Variants in CDON observed in about 807,000 individuals in gnomAD.
CDON encodes the protein cell adhesion associated, oncogene regulated, also known as cell adhesion molecule-related/down-regulated by oncogenes.
A neutral mutation model predicts 120.9 loss-of-function variants in CDON; 73 were observed. That is an observed-to-expected ratio of 0.60 (90% CI 0.50 to 0.73). The LOEUF (loss-of-function observed/expected upper bound fraction) is 0.73. CDON is among the 30% of genes least tolerant of loss of function. CDON has a pLI of 0.00. For synonymous variants in CDON, 566 were observed against 573.5 expected, an observed-to-expected ratio of 0.99 and a Z score of 0.19; for missense variants, 1,470 against 1,587.3, an observed-to-expected ratio of 0.93 and a Z score of 1.26.
chr11:126,019,862 G>A, intron 3 of CDON, 97 bp from the exon 4 acceptor site: 1 of 1,074,606 alleles, frequency 9.3e-7, no homozygotes, highest in Non-Finnish European at 1.4e-6. Flanking sequence ...CTGCAGCACG[G>A]CCTTTTGTGG....
chr11:126,007,329 T>C (rs1309668176), intron 8 of CDON, among the ~76,000 whole-genome samples: 1 of 152,052 alleles, frequency 6.6e-6, no homozygotes, highest in Non-Finnish European at 1.5e-5. Flanking sequence ...CCCAGAAGCA[T>C]CCTCCATCAG....
At position 125,978,299 on chromosome 11, in the gene CDON, C is replaced by T; in HGVS notation, c.3356+5G>A. 6.5e-7 allele frequency: 1 copy of T among 1,545,902 alleles called. No homozygotes were observed. Among genetic ancestry groups the T allele is most frequent in the Non-Finnish European group, 8.9e-7 (1 of 1,121,144 alleles). ...ACAGCTTGTGCAGACACATTATTAA[C>T]ATACCTATTGTTGTTTCGACAATTT... On this transcript the variant is annotated splice_donor_5th_base_variant and intron_variant, in intron 18 of 19. Transcript: ENST00000531738.
chr11:126,042,353 T>A (rs1409877201), intron 1 of CDON, among the ~76,000 whole-genome samples: 2 of 152,198 alleles, frequency 1.3e-5, no homozygotes, highest in Non-Finnish European at 2.9e-5. Context: ...ACATTCCCAG[T>A]GGTAATTGTG....
At chr11:126,038,740 T>G (rs1180554531) in intron 1 of CDON, among the ~76,000 whole-genome samples, 1 of 152,176 alleles carries the variant, frequency 6.6e-6, no homozygotes, top group Non-Finnish European at 1.5e-5. Context: ...TTCCAAGAAC[T>G]TACGTTTTAA....
At position 125,984,142 on chromosome 11, in the gene CDON, C is replaced by T. The variant is rs183357910; in HGVS notation, c.2774-49G>A. ...ATGATGTCAGAGTGAATACAGACTC[C>T]ATGAAATGGTTTACTCTCTGAAGGA... is the stretch of plus-strand genomic sequence containing the variant. On this transcript the variant is annotated intron_variant, in intron 15 of 19. Transcript: ENST00000531738. 5 of 1,305,780 alleles carry T rather than the reference C, an allele frequency of 3.8e-6. No individual in the cohort carries two copies. In the Admixed American group the frequency reaches 5.1e-5, roughly 13 times the overall value. 80.9% of individuals were successfully genotyped at this position (1,305,780 alleles called of 1,614,324 possible). A position where few individuals can be genotyped will look rare whatever the true frequency, so the allele number is the denominator to read the frequency against.
At chr11:125,993,875 A>G (rs909853449) in intron 14 of CDON, among the ~76,000 whole-genome samples, 1 of 152,248 alleles carries the variant, frequency 6.6e-6, no homozygotes, top group Non-Finnish European at 1.5e-5. Context: ...CCAATTTCTC[A>G]GCATCTCTAC....
At chr11:126,063,207 TAAGGGTGAGTTGCC>T (rs1173270448), upstream of CDON, 2 of 152,206 alleles carry the variant, frequency 1.3e-5, no homozygotes, top group Non-Finnish European at 2.9e-5. Flanking sequence ...GTAGGACAGG[TAAGGGTGAGTTGCC>T]TTACCAAGTC....
rs935640599 is a variant in CDON, at chr11:125,957,634, CA to C, written c.*3307del. The C allele has an allele frequency of 1.3e-5, 2 of 152,256 alleles. No homozygotes were observed. The highest frequency in any genetic ancestry group is 4.8e-5 in the African/African-American group (2 of 41,542). 9.4% of individuals were successfully genotyped at this position (152,256 alleles called of 1,614,324 possible). A position where few individuals can be genotyped will look rare whatever the true frequency, so the allele number is the denominator to read the frequency against. The stretch of plus-strand genomic sequence containing the variant: ...GTCATTACTTTAAAAGAGAGCAACA[CA>C]GGTAAAATTCAATGATAAACTTCAC... On this transcript the variant is annotated 3_prime_UTR_variant, in exon 20 of 20. Transcript: ENST00000531738.
At chr11:126,000,189 A>G (rs1946901108) in intron 11 of CDON, among the ~76,000 whole-genome samples, 1 of 150,964 alleles carries the variant, frequency 6.6e-6, no homozygotes, top group African/African-American at 2.4e-5. Flanking sequence ...TTAGGTATTT[A>G]TATCATCCAC....
intron 4 of CDON, among the ~76,000 whole-genome samples, chr11:126,019,384 T>G (rs151028025): frequency 1.4e-4 from 21 of 152,274 alleles, no homozygotes; most frequent in Admixed American, 2.6e-4. Flanking sequence ...GATAGGACCA[T>G]GAGGGCTATC....
At chr11:126,053,341 G>A (rs1948611393) in intron 1 of CDON, among the ~76,000 whole-genome samples, 1 of 152,158 alleles carries the variant, frequency 6.6e-6, no homozygotes, top group African/African-American at 2.4e-5. Flanking sequence ...TCCAGATTTA[G>A]TAGTCCCAGG....
chr11:125,992,518 G>A (rs1301841455), intron 14 of CDON, among the ~76,000 whole-genome samples: 3 of 152,108 alleles, frequency 2.0e-5, no homozygotes, highest in Admixed American at 6.5e-5. Flanking sequence ...GCCCCTTCCA[G>A]GCTCTGCTTT....
chr11:125,979,432 C>T (rs1946233817), intron 17 of CDON, among the ~76,000 whole-genome samples: 1 of 152,128 alleles, frequency 6.6e-6, no homozygotes, highest in Non-Finnish European at 1.5e-5. Flanking sequence ...AAGTTCACAA[C>T]CTGCAGGGTA....
At chr11:125,993,333 A>G (rs536991773) in intron 14 of CDON, among the ~76,000 whole-genome samples, 2 of 152,208 alleles carry the variant, frequency 1.3e-5, no homozygotes, top group South Asian at 4.1e-4. Context: ...GACAGACTTT[A>G]AGCAAATAGT....
chr11:126,050,073 G>A (rs758812178), intron 1 of CDON, among the ~76,000 whole-genome samples: 1 of 151,922 alleles, frequency 6.6e-6, no homozygotes, highest in Non-Finnish European at 1.5e-5. Context: ...GACTTCTTTA[G>A]AAGAACTTTA....
At chr11:126,009,435 T>A (rs985778399) in intron 8 of CDON, among the ~76,000 whole-genome samples, 1 of 152,210 alleles carries the variant, frequency 6.6e-6, no homozygotes, top group Non-Finnish European at 1.5e-5. Flanking sequence ...GGGACCAGAC[T>A]GTGAACTCAC....
intron 18 of CDON, among the ~76,000 whole-genome samples, chr11:125,976,047 T>C (rs111709295): frequency 6.6e-5 from 10 of 152,306 alleles, no homozygotes; most frequent in African/African-American, 2.4e-4. Flanking sequence ...AGTAACAATG[T>C]CGATATTCTA....
At chr11:126,047,646 T>G (rs1948437005) in intron 1 of CDON, among the ~76,000 whole-genome samples, 2 of 152,204 alleles carry the variant, frequency 1.3e-5, no homozygotes, top group Admixed American at 6.5e-5. Context: ...CTGTAAAGAC[T>G]AAATGGGATG....
chr11:126,030,041 C>G (rs1241804541), intron 1 of CDON, among the ~76,000 whole-genome samples: 2 of 152,184 alleles, frequency 1.3e-5, no homozygotes, highest in South Asian at 2.1e-4. Context: ...TGTCACTAAA[C>G]AACAGCTGGT....
Sources: allele counts gnomAD v4.1 joint callset (sites outside exome capture counted in the v4.1 genomes callset), GRCh38; gene constraint gnomAD v4.1.1; transcripts MANE v1.5; gene names NCBI Gene and HGNC (gene_info 2026-07-23, HGNC 2026-07-21).